Variants in LINGO2 observed in about 807,000 individuals in gnomAD.
The protein encoded by LINGO2 is leucine rich repeat and Ig domain containing 2.
LINGO2 carries 14 observed loss-of-function variants against 30.6 expected under a neutral mutation model. That is an observed-to-expected ratio of 0.46 (90% CI 0.30 to 0.72). LINGO2 has a LOEUF of 0.72. Among genes scored for constraint, LINGO2 ranks in the 30% least tolerant of loss-of-function variants. The pLI is 0.07. For missense variants in LINGO2, 729 were observed against 751.7 expected (o/e 0.97, Z 0.35); for synonymous variants, 317 against 288.5 (o/e 1.10, Z -1.00).
At chr9:28,646,047 A>G (rs1161795914) in intron 1 of LINGO2, among the ~76,000 whole-genome samples, 2 of 152,160 alleles carry the variant, frequency 1.3e-5, no homozygotes, top group African/African-American at 4.8e-5. Context: ...TTTCATGATC[A>G]AATTAGAAAC....
chr9:28,863,582 G>A, the LINGO2 span: 1 of 519,390 alleles, frequency 1.9e-6, no homozygotes, highest in Non-Finnish European at 4.0e-6. Flanking sequence ...GCTCAGTAAA[G>A]GAATCTTAGG....
the LINGO2 span, among the ~76,000 whole-genome samples, chr9:28,907,675 T>G: frequency 2.0e-5 from 3 of 151,868 alleles, no homozygotes; most frequent in Non-Finnish European, 4.4e-5. Context: ...ATTACAATAT[T>G]AAATGCATTT....
At chr9:29,185,282 T>C in the LINGO2 span, among the ~76,000 whole-genome samples, 1 of 152,082 alleles carries the variant, frequency 6.6e-6, no homozygotes, top group East Asian at 1.9e-4. Context: ...AGAATAGTAC[T>C]CTATGGAACA....
chr9:28,523,483 G>T (rs1386995344), intron 1 of LINGO2, among the ~76,000 whole-genome samples: 2 of 151,958 alleles, frequency 1.3e-5, no homozygotes, highest in Non-Finnish European at 2.9e-5. Context: ...ATAAATAAAA[G>T]AACTCCAGAC....
At chr9:29,106,567 A>G in the LINGO2 span, among the ~76,000 whole-genome samples, 2 of 152,132 alleles carry the variant, frequency 1.3e-5, no homozygotes, top group Non-Finnish European at 2.9e-5. Flanking sequence ...CTGCAGAGAC[A>G]CTGTCAAGCA....
upstream of LINGO2, among the ~76,000 whole-genome samples, chr9:28,675,055 A>C (rs1015587802): frequency 2.6e-5 from 4 of 152,210 alleles, no homozygotes; most frequent in African/African-American, 9.6e-5. Flanking sequence ...AGAAGGAAGA[A>C]GAGAAATAAA....
At chr9:28,449,680 G>A (rs1340286172) in intron 2 of LINGO2, among the ~76,000 whole-genome samples, 1 of 151,960 alleles carries the variant, frequency 6.6e-6, no homozygotes, top group Non-Finnish European at 1.5e-5. Flanking sequence ...AGATCAGCTA[G>A]AATGTTTATA....
chr9:28,179,679 C>G (rs1828858134), intron 4 of LINGO2, among the ~76,000 whole-genome samples: 1 of 125,086 alleles, frequency 8.0e-6, no homozygotes, highest in South Asian at 2.4e-4. Context: ...GTATTTTATA[C>G]TATATATACT....
intron 1 of LINGO2, among the ~76,000 whole-genome samples, chr9:28,499,625 TAA>T (rs1470631932): frequency 1.3e-5 from 2 of 152,204 alleles, no homozygotes; most frequent in Non-Finnish European, 2.9e-5. Context: ...TCTTCATATG[TAA>T]AGAGTGATAA....
intron 4 of LINGO2, among the ~76,000 whole-genome samples, chr9:28,236,403 T>C (rs1366710395): frequency 1.3e-5 from 2 of 152,166 alleles, no homozygotes; most frequent in South Asian, 2.1e-4. Flanking sequence ...TCACTGCTAA[T>C]AGTAAGCACA....
chr9:28,675,924 T>C, the LINGO2 span, among the ~76,000 whole-genome samples: 123 of 137,736 alleles, frequency 8.9e-4, 1 homozygote, highest in Middle Eastern at 3.8e-3. Flanking sequence ...TATATATATA[T>C]ACATACACAC....
chr9:28,025,929 TCTC>T (rs1360070496), intron 4 of LINGO2, among the ~76,000 whole-genome samples: 1 of 152,026 alleles, frequency 6.6e-6, no homozygotes, highest in African/African-American at 2.4e-5. Flanking sequence ...AAGCTGCTCT[TCTC>T]CTCAAATTCC....
the LINGO2 span, among the ~76,000 whole-genome samples, chr9:29,020,843 G>A: frequency 6.6e-6 from 1 of 152,226 alleles, no homozygotes; most frequent in South Asian, 2.1e-4. Flanking sequence ...TGAGCAAAGG[G>A]TGGGGGGAAA....
intron 4 of LINGO2, among the ~76,000 whole-genome samples, chr9:28,238,610 C>T (rs1357612996): frequency 6.6e-6 from 1 of 151,890 alleles, no homozygotes; most frequent in Non-Finnish European, 1.5e-5. Context: ...ATAATGGAAA[C>T]ACAACATGCC....
chr9:28,409,203 A>G (rs1822644915), intron 2 of LINGO2, among the ~76,000 whole-genome samples: 1 of 152,086 alleles, frequency 6.6e-6, no homozygotes, highest in Non-Finnish European at 1.5e-5. Context: ...TGTATACCCC[A>G]TTGTGGATGG....
chr9:28,414,525 G>A (rs1390861000), intron 2 of LINGO2, among the ~76,000 whole-genome samples: 2 of 152,058 alleles, frequency 1.3e-5, no homozygotes, highest in Non-Finnish European at 2.9e-5. Flanking sequence ...GTTTTAGAAG[G>A]AGATTAGAGA....
chr9:28,314,861 T>C (rs1465761559), intron 3 of LINGO2, among the ~76,000 whole-genome samples: 2 of 151,782 alleles, frequency 1.3e-5, no homozygotes, highest in African/African-American at 4.8e-5. Context: ...GGCGGGCACC[T>C]GTAGTCCCAG....
At chr9:28,484,025 C>G (rs1183063105) in intron 1 of LINGO2, among the ~76,000 whole-genome samples, 1 of 152,028 alleles carries the variant, frequency 6.6e-6, no homozygotes, top group East Asian at 1.9e-4. Flanking sequence ...TAAGCTTTAT[C>G]TACAGCCTGG....
At chr9:28,540,582 C>T (rs1446585668) in intron 1 of LINGO2, among the ~76,000 whole-genome samples, 5 of 151,998 alleles carry the variant, frequency 3.3e-5, no homozygotes, top group African/African-American at 7.2e-5. Context: ...TTCTCTTTTG[C>T]ATTTTTCTTC....
Sources: gnomAD v4.1 joint callset for allele counts (sites outside exome capture counted in the v4.1 genomes callset) on GRCh38, gnomAD v4.1.1 for gene constraint, MANE v1.5 for transcripts, NCBI Gene and HGNC (gene_info 2026-07-23, HGNC 2026-07-21) for gene names.